Variants in STK32C observed in about 807,000 individuals in gnomAD.
STK32C encodes serine/threonine-protein kinase 32C.
STK32C carries 31 observed loss-of-function variants against 56.5 expected under a neutral mutation model. The ratio of observed to expected loss-of-function variants is 0.55; its 90% CI spans 0.41 to 0.74. The LOEUF is 0.74. STK32C is among the 30% of genes least tolerant of loss of function. The probability of loss-of-function intolerance (pLI) is 0.00; values close to 1 mark genes in which losing one functional copy is unlikely to be tolerated. For synonymous variants in STK32C, 309 were observed against 289.4 expected (o/e 1.07, Z -0.69); for missense variants, 544 against 676.9 (o/e 0.80, Z 2.18).
chr10:132,283,600 G>A (rs1013901202), intron 1 of STK32C, among the ~76,000 whole-genome samples: 1 of 152,228 alleles, frequency 6.6e-6, no homozygotes, highest in Admixed American at 6.5e-5. Context: ...TTTGTGACCT[G>A]CAAGTTGCAG....
At chr10:132,249,173 AT>A (rs2063804724) in intron 1 of STK32C, 1 of 199,382 alleles carries the variant, frequency 5.0e-6, no homozygotes, top group Non-Finnish European at 1.0e-5. Context: ...GGGCGGGGCT[AT>A]GGGGGTCAGG....
chr10:132,331,013 CA>C (rs1280397025), intron 1 of STK32C, among the ~76,000 whole-genome samples: 1 of 150,660 alleles, frequency 6.6e-6, no homozygotes, highest in African/African-American at 2.4e-5. Context: ...CCAGCCTGGC[CA>C]ACATGATGAA....
At chr10:132,247,083 A>C (rs1270503539) in intron 1 of STK32C, among the ~76,000 whole-genome samples, 1 of 152,190 alleles carries the variant, frequency 6.6e-6, no homozygotes, top group Non-Finnish European at 1.5e-5. Flanking sequence ...TGGTTATTCT[A>C]AAGGCAGGGA....
intron 7 of STK32C, 114 bp downstream of exon 7, chr10:132,225,119 G>A: frequency 1.3e-6 from 1 of 764,480 alleles, no homozygotes; most frequent in East Asian, 2.7e-5. Flanking sequence ...CTCAGACACA[G>A]TGGAGACATC....
chr10:132,258,172 G>A (rs1347248063), intron 1 of STK32C, among the ~76,000 whole-genome samples: 1 of 152,222 alleles, frequency 6.6e-6, no homozygotes, highest in Non-Finnish European at 1.5e-5. Context: ...CTAGAGAGGG[G>A]GGCAGCTGCC....
At chr10:132,308,025 GC>G (rs2039933843), upstream of STK32C, 1 of 780,128 alleles carries the variant, frequency 1.3e-6, no homozygotes, top group Non-Finnish European at 1.5e-6. Context: ...AGGGGCGGGG[GC>G]GGGGCGGAGC....
At chr10:132,227,924 T>C in intron 3 of STK32C, 53 bp downstream of exon 3, 2 of 1,593,980 alleles carry the variant, frequency 1.3e-6, no homozygotes, top group Non-Finnish European at 1.7e-6. Flanking sequence ...AGCCAGTGCC[T>C]TCCCGGCTTC....
At chr10:132,220,732 T>C (rs2062611077) in intron 10 of STK32C, among the ~76,000 whole-genome samples, 1 of 152,158 alleles carries the variant, frequency 6.6e-6, no homozygotes, top group Admixed American at 6.5e-5. Context: ...GACCACGACC[T>C]CAGACAATAT....
intron 1 of STK32C, among the ~76,000 whole-genome samples, chr10:132,289,649 T>G (rs1590405202): frequency 6.6e-6 from 1 of 152,214 alleles, no homozygotes. Context: ...CAGTGTCTGG[T>G]GAGGGCCCAC....
intron 1 of STK32C, among the ~76,000 whole-genome samples, chr10:132,295,574 G>A (rs1018525423): frequency 3.9e-5 from 6 of 152,140 alleles, no homozygotes; most frequent in Non-Finnish European, 5.9e-5. Flanking sequence ...TTAACGCAAG[G>A]AAGAGACAAA....
chr10:132,273,770 A>G (rs1282563836), intron 1 of STK32C, among the ~76,000 whole-genome samples: 1 of 152,162 alleles, frequency 6.6e-6, no homozygotes, highest in African/African-American at 2.4e-5. Context: ...GAGTGAATGA[A>G]CACATGGTAA....
intron 2 of STK32C, among the ~76,000 whole-genome samples, chr10:132,236,189 C>A (rs952725284): frequency 4.6e-5 from 7 of 152,232 alleles, no homozygotes; most frequent in Non-Finnish European, 8.8e-5. Context: ...ACAGAAAGGA[C>A]CCCTGGCCCC....
At chr10:132,212,263 T>C (rs1270425523) in intron 10 of STK32C, among the ~76,000 whole-genome samples, 1 of 152,166 alleles carries the variant, frequency 6.6e-6, no homozygotes, top group African/African-American at 2.4e-5. Context: ...TCTGGACCAA[T>C]GGGATAAAAC....
rs141485934 is a variant in STK32C, at chr10:132,225,597, G to A, written c.702C>T (p.Asp234=). Residue 234 remains aspartate (D), a synonymous_variant, in exon 6 of 12, where the codon GAC becomes GAT. Coordinates refer to ENST00000298630, the MANE Select transcript of STK32C (RefSeq NM_173575.4). Reference sequence around the variant, plus strand: ...CCTTGATGATGGTGGCAATGTTGAAGTCGGTCAGGTGTGCATGTCCTGTGC... The same window carrying A: ...CCTTGATGATGGTGGCAATGTTGAAATCGGTCAGGTGTGCATGTCCTGTGC... ...LDERGHAHLT[D]FNIATIIKDG... 3 of 1,613,534 alleles carry A rather than the reference G, an allele frequency of 1.9e-6. No individual in the cohort carries two copies. The highest frequency in any genetic ancestry group is 2.5e-6 in the Non-Finnish European group (3 of 1,179,766).
intron 1 of STK32C, among the ~76,000 whole-genome samples, chr10:132,275,168 G>A (rs1237164921): frequency 2.6e-5 from 4 of 152,224 alleles, no homozygotes; most frequent in Non-Finnish European, 5.9e-5. Flanking sequence ...CCTCAGCCCT[G>A]ACAGCAGCCA....
chr10:132,302,781 C>T (rs1011574920), intron 1 of STK32C, among the ~76,000 whole-genome samples: 7 of 152,216 alleles, frequency 4.6e-5, no homozygotes, highest in African/African-American at 7.2e-5. Context: ...ACCAACCGTG[C>T]GGGAGGAGCT....
At position 132,207,745 on chromosome 10, in the gene STK32C, G is replaced by A; in HGVS notation, c.*265C>T. 8.3e-6 allele frequency: 3 copies of A among 359,396 alleles called. No homozygotes were observed. Among genetic ancestry groups the A allele is most frequent in the Non-Finnish European group, 1.5e-5 (3 of 204,970 alleles). The allele number at this position is 359,396 out of a possible 1,614,324, so 22.3% of individuals were successfully genotyped here. On this transcript the variant is annotated 3_prime_UTR_variant, in exon 12 of 12. Transcript: ENST00000298630. ...CCATGGCCCCAGCTCCCCGTGAGCG[G>A]TAAGAGGGCGCCCAGCAGCGCTTCC...
intron 2 of STK32C, 62 bp from the exon 3 acceptor site, chr10:132,228,190 C>G: frequency 3.1e-6 from 5 of 1,609,930 alleles, no homozygotes; most frequent in Non-Finnish European, 3.4e-6. Context: ...GTGGGGACAC[C>G]TGGAAATGCA....
chr10:132,270,592 C>A (rs1351638608), intron 1 of STK32C, among the ~76,000 whole-genome samples: 3 of 152,230 alleles, frequency 2.0e-5, no homozygotes, highest in Non-Finnish European at 4.4e-5. Context: ...TGGCCTCTTC[C>A]CTTGGAGTCC....
Sources: gnomAD v4.1 joint callset for allele counts (sites outside exome capture counted in the v4.1 genomes callset) on GRCh38, gnomAD v4.1.1 for gene constraint, MANE v1.5 for transcripts, NCBI Gene and HGNC (gene_info 2026-07-23, HGNC 2026-07-21) for gene names.